FAAH2: variants seen among roughly 807,000 people sequenced by gnomAD.
FAAH2 encodes the protein fatty acid amide hydrolase 2, also known as fatty-acid amide hydrolase 2.
In FAAH2, 60 loss-of-function variants were observed where a neutral mutation model predicts 36.9. The ratio of observed to expected loss-of-function variants is 1.63; its 90% CI spans 1.32 to 2.02. FAAH2 has a LOEUF of 2.02. Among genes scored for constraint, FAAH2 ranks in the 30% most tolerant of loss-of-function variants. The probability of loss-of-function intolerance (pLI) is 0.00; values close to 1 mark genes in which losing one functional copy is unlikely to be tolerated. For missense variants in FAAH2, 689 were observed against 397.5 expected, an observed-to-expected ratio of 1.73 and a Z score of -6.23; for synonymous variants, 214 against 143.8, an observed-to-expected ratio of 1.49 and a Z score of -3.49.
Position 57,458,242 on chromosome X carries a change from G to A in FAAH2, c.1423+9524G>A, listed in dbSNP as rs751426695. ...ATGGTACTATAATAGTTTGCCTGCC[G>A]TATGCAGAAGAATGAAACTGGATCT... On this transcript the variant is annotated intron_variant, in intron 10 of 10. Coordinates refer to ENST00000374900, the MANE Select transcript of FAAH2 (RefSeq NM_174912.4). Among the ~76,000 whole-genome samples, 85 of 112,108 alleles carry A rather than the reference G, an allele frequency of 7.6e-4. 1 individual carries two copies. Among genetic ancestry groups the A allele is most frequent in the Non-Finnish European group, 1.2e-3 (62 of 53,223 alleles).
chrX:57,423,495 T>A (rs1259490065), intron 7 of FAAH2, among the ~76,000 whole-genome samples: 2 of 111,735 alleles, frequency 1.8e-5, no homozygotes. Flanking sequence ...TCTGGCTGTT[T>A]TAGCTTGCTG....
At chrX:57,170,410 T>A in the FAAH2 span, among the ~76,000 whole-genome samples, 4 of 111,928 alleles carry the variant, frequency 3.6e-5, no homozygotes, top group African/African-American at 1.3e-4. Context: ...CTGTTGGTTA[T>A]AGTGAATAGT....
At chrX:57,339,212 T>G (rs190031163) in intron 4 of FAAH2, among the ~76,000 whole-genome samples, 304 of 112,324 alleles carry the variant, frequency 2.7e-3, no homozygotes, top group African/African-American at 9.2e-3. Context: ...GCTAGACATA[T>G]GCAGAAAGTT....
chrX:57,425,226 A>T (rs1164259928), intron 7 of FAAH2, among the ~76,000 whole-genome samples: 1 of 111,714 alleles, frequency 9.0e-6, no homozygotes, highest in Admixed American at 9.5e-5. Context: ...AACTATGTAA[A>T]ATCTCCAAAC....
intron 7 of FAAH2, among the ~76,000 whole-genome samples, chrX:57,422,772 A>T (rs1370676892): frequency 8.9e-6 from 1 of 111,903 alleles, no homozygotes; most frequent in Non-Finnish European, 1.9e-5. Flanking sequence ...GAGGCTGGAA[A>T]TGATTATGGA....
intron 10 of FAAH2, among the ~76,000 whole-genome samples, chrX:57,480,624 T>C (rs1027836869): frequency 1.8e-5 from 2 of 112,162 alleles, no homozygotes; most frequent in African/African-American, 6.5e-5. Flanking sequence ...TCTGTTCGGC[T>C]TCCCTTTGTA....
chrX:57,413,250 G>A (rs2055749562), intron 7 of FAAH2, among the ~76,000 whole-genome samples: 1 of 111,827 alleles, frequency 8.9e-6, no homozygotes, highest in Non-Finnish European at 1.9e-5. Context: ...GTCAATTTTG[G>A]CTTTTGTTGC....
chrX:57,206,169 G>A, the FAAH2 span, among the ~76,000 whole-genome samples: 1 of 111,845 alleles, frequency 8.9e-6, no homozygotes, highest in Admixed American at 9.5e-5. Context: ...TAATTGCCCA[G>A]GGCTAGTGAG....
At chrX:57,385,397 T>A (rs1443893199) in intron 7 of FAAH2, among the ~76,000 whole-genome samples, 3 of 111,088 alleles carry the variant, frequency 2.7e-5, no homozygotes, top group Non-Finnish European at 5.7e-5. Flanking sequence ...CTCAATAACT[T>A]ATAAAGAATA....
chrX:57,485,744 T>C (rs2057462514), intron 10 of FAAH2, among the ~76,000 whole-genome samples: 1 of 112,101 alleles, frequency 8.9e-6, no homozygotes, highest in Admixed American at 9.4e-5. Context: ...TTATTCAGGG[T>C]CCATAATTAG....
At chrX:57,364,148 T>C (rs1025425912) in intron 5 of FAAH2, among the ~76,000 whole-genome samples, 7 of 108,060 alleles carry the variant, frequency 6.5e-5, no homozygotes, top group African/African-American at 2.4e-4. Context: ...ATTTTCTTTG[T>C]ACATCTGGCA....
At chrX:57,403,859 C>A (rs1163136347) in intron 7 of FAAH2, among the ~76,000 whole-genome samples, 1 of 112,366 alleles carries the variant, frequency 8.9e-6, no homozygotes, top group African/African-American at 3.2e-5. Flanking sequence ...AGGAAATCTG[C>A]TGGGTTAACG....
At chrX:57,393,033 G>T in intron 7 of FAAH2, 1 of 895,066 alleles carries the variant, frequency 1.1e-6, no homozygotes, top group South Asian at 2.0e-5. Context: ...TGCTTGTCCT[G>T]CTCTCTGGAC....
chrX:57,141,986 T>G, the FAAH2 span, among the ~76,000 whole-genome samples: 2 of 110,974 alleles, frequency 1.8e-5, no homozygotes, highest in Non-Finnish European at 3.8e-5. Context: ...TCATCTGTCA[T>G]TTTATTTATT....
intron 8 of FAAH2, among the ~76,000 whole-genome samples, chrX:57,441,008 A>G (rs1285522967): frequency 9.0e-6 from 1 of 111,540 alleles, no homozygotes; most frequent in Non-Finnish European, 1.9e-5. Flanking sequence ...GTTTGCCAGT[A>G]TTTTATTGAG....
chrX:57,140,944 A>G, the FAAH2 span, among the ~76,000 whole-genome samples: 1 of 111,785 alleles, frequency 8.9e-6, no homozygotes, highest in African/African-American at 3.3e-5. Flanking sequence ...TATTTATGTA[A>G]AAAGCCCACA....
At chrX:57,447,148 G>C (rs949228228) in intron 9 of FAAH2, 109 bp downstream of exon 9, 1 of 486,566 alleles carries the variant, frequency 2.1e-6, no homozygotes. Context: ...AATCCAGTGG[G>C]GTACTGAAAT....
intron 2 of FAAH2, among the ~76,000 whole-genome samples, chrX:57,295,902 C>T (rs756805719): frequency 2.0e-4 from 23 of 112,461 alleles, no homozygotes; most frequent in African/African-American, 7.1e-4. Context: ...AGCAGCGAGG[C>T]TGGGGGAGGG....
chrX:57,163,894 GA>G, the FAAH2 span, among the ~76,000 whole-genome samples: 2 of 111,931 alleles, frequency 1.8e-5, no homozygotes, highest in African/African-American at 6.5e-5. Flanking sequence ...CCCTTAATAT[GA>G]ATTTCTTAAC....
Sources: gnomAD v4.1 joint callset for allele counts (sites outside exome capture counted in the v4.1 genomes callset) on GRCh38, gnomAD v4.1.1 for gene constraint, MANE v1.5 for transcripts, NCBI Gene and HGNC (gene_info 2026-07-23, HGNC 2026-07-21) for gene names.